PCDHGA2: variants seen among roughly 807,000 people sequenced by gnomAD.
PCDHGA2 encodes protocadherin gamma subfamily A, 2.
A neutral mutation model predicts 59.2 loss-of-function variants in PCDHGA2; 40 were observed. The ratio of observed to expected loss-of-function variants is 0.68; its 90% CI spans 0.52 to 0.88. The LOEUF is 0.88. Ranked by LOEUF, PCDHGA2 falls within the 40% of genes least tolerant of loss-of-function variation. The probability of loss-of-function intolerance (pLI) is 0.00; values close to 1 mark genes in which losing one functional copy is unlikely to be tolerated. For missense variants in PCDHGA2, 1,226 were observed against 1,204.0 expected (o/e 1.02, Z -0.27); for synonymous variants, 560 against 526.0 (o/e 1.06, Z -0.89).
Position 141,477,197 on chromosome 5 carries a change from G to C in PCDHGA2, c.2425-17610G>C, listed in dbSNP as rs781504885. 6.2e-7 allele frequency: 1 copy of C among 1,614,210 alleles called. No homozygotes were observed. Among genetic ancestry groups the C allele is most frequent in the South Asian group, 1.1e-5 (1 of 91,082 alleles). On this transcript the variant is annotated intron_variant, in intron 1 of 3. Transcript: ENST00000394576. The surrounding 1 kb of genome is among the most constrained non-coding windows in gnomAD (Gnocchi z 4.9). ...CACAGTCACCTCCGTGTACAGCCCA[G>C]TACCCGAGGATGCCCCTCTGGGGAC...
At chr5:141,409,133 G>A in intron 1 of PCDHGA2, 1 of 1,614,002 alleles carries the variant, frequency 6.2e-7, no homozygotes, top group Non-Finnish European at 8.5e-7. Flanking sequence ...TGATTTTGAA[G>A]ATGTAGAAAG....
intron 1 of PCDHGA2, chr5:141,389,801 C>T: frequency 6.2e-7 from 1 of 1,613,766 alleles, no homozygotes; most frequent in South Asian, 1.1e-5. Context: ...TCCGCCAGCG[C>T]CTTCTGGTCG....
intron 1 of PCDHGA2, chr5:141,375,068 G>A: frequency 6.2e-7 from 1 of 1,614,016 alleles, no homozygotes; most frequent in Non-Finnish European, 8.5e-7. Flanking sequence ...AGGTCTTCGA[G>A]ACAGAGCGAA....
chr5:141,448,335 A>T (rs567377336), intron 1 of PCDHGA2, among the ~76,000 whole-genome samples: 1 of 152,108 alleles, frequency 6.6e-6, no homozygotes, highest in Non-Finnish European at 1.5e-5. Flanking sequence ...CTTTATAGCC[A>T]TGTACCTCAA....
rs754169973 is a variant in PCDHGA2 at position 141,340,209 on chromosome 5, A to T, written c.1238A>T (p.Glu413Val). Residue 413 changes from glutamate (E) to valine (V), a missense_variant, in exon 1 of 4, where the codon GAA becomes GTA. Glu to Val is a moderately radical substitution (Grantham distance 121). Coordinates refer to ENST00000394576, the MANE Select transcript of PCDHGA2 (RefSeq NM_018915.4). ...RLVTTRALDR[E>V]QFSFYNITLT... ...GTTACAACCAGAGCCCTTGACAGGG[A>T]ACAGTTTTCCTTTTACAACATCACT... 3.7e-6 allele frequency: 6 copies of T among 1,614,036 alleles called. No individual in the cohort carries two copies. In the East Asian group the frequency reaches 1.3e-4, roughly 36 times the overall value.
chr5:141,347,137 C>CTTTCTTTCTTTCTTTCTTTCTTTCTT (rs1554073405), intron 1 of PCDHGA2, among the ~76,000 whole-genome samples: 3 of 113,834 alleles, frequency 2.6e-5, no homozygotes, highest in African/African-American at 7.7e-5. Context: ...CTCTGTTTCT[C>CTTTCTTTCTTTCTTTCTTTCTTTCTT]TCTTTCTTTC....
intron 1 of PCDHGA2, chr5:141,360,071 C>G (rs1437890695): frequency 6.8e-7 from 1 of 1,472,642 alleles, no homozygotes; most frequent in Non-Finnish European, 9.0e-7. Context: ...TGACCTTAGC[C>G]CGGATTCTGC....
At chr5:141,356,635 C>T in intron 1 of PCDHGA2, 2 of 1,614,140 alleles carry the variant, frequency 1.2e-6, no homozygotes, top group Middle Eastern at 1.6e-4. Flanking sequence ...TGCTCAAGAC[C>T]CTGACAGTGG....
At chr5:141,436,042 T>A (rs1246680632) in intron 1 of PCDHGA2, among the ~76,000 whole-genome samples, 4 of 152,182 alleles carry the variant, frequency 2.6e-5, no homozygotes, top group Non-Finnish European at 5.9e-5. Context: ...TGTATTTACA[T>A]TAGTTTTCAA....
chr5:141,399,436 C>T (rs550386808), intron 1 of PCDHGA2: 12 of 1,613,996 alleles, frequency 7.4e-6, no homozygotes, highest in Admixed American at 3.3e-5. Context: ...CGTCATCCTA[C>T]ATATCAGAGA....
intron 1 of PCDHGA2, among the ~76,000 whole-genome samples, chr5:141,472,119 A>C (rs1015212535): frequency 6.6e-6 from 1 of 152,240 alleles, no homozygotes; most frequent in African/African-American, 2.4e-5. Context: ...AAAGAAAATA[A>C]AAGAGAAGTT....
intron 1 of PCDHGA2, chr5:141,398,713 C>G (rs772426523): frequency 6.2e-7 from 1 of 1,613,828 alleles, no homozygotes; most frequent in Non-Finnish European, 8.5e-7. Context: ...GGAACTGGCA[C>G]TGGAGAAAAC....
chr5:141,453,540 A>G (rs890130466), intron 1 of PCDHGA2, among the ~76,000 whole-genome samples: 2 of 152,058 alleles, frequency 1.3e-5, no homozygotes, highest in Non-Finnish European at 2.9e-5. Context: ...CCTCATTCAC[A>G]CCACACTCTG....
chr5:141,344,770 A>C (rs1199721120), intron 1 of PCDHGA2: 1 of 1,613,984 alleles, frequency 6.2e-7, no homozygotes, highest in Non-Finnish European at 8.5e-7. Context: ...ACTCAGCCTG[A>C]GTACCGTGTG....
At chr5:141,395,346 T>C in intron 1 of PCDHGA2, 1 of 1,396,344 alleles carries the variant, frequency 7.2e-7, no homozygotes. Context: ...TTAAGGTGTA[T>C]CACAGAGTTT....
intron 1 of PCDHGA2, among the ~76,000 whole-genome samples, chr5:141,435,592 C>T (rs573084790): frequency 1.3e-5 from 2 of 152,060 alleles, no homozygotes; most frequent in African/African-American, 2.4e-5. Flanking sequence ...GCAGTAATAT[C>T]GCCTGCTTTT....
At chr5:141,361,597 TCCTA>T in intron 1 of PCDHGA2, 1 of 1,614,048 alleles carries the variant, frequency 6.2e-7, no homozygotes, top group Non-Finnish European at 8.5e-7. Flanking sequence ...TGGCCAAGTT[TCCTA>T]CTCCATCGTA....
chr5:141,421,498 A>T (rs1303740754), intron 1 of PCDHGA2: 2 of 1,613,952 alleles, frequency 1.2e-6, no homozygotes, highest in African/African-American at 1.3e-5. Context: ...GGCAGGCAGG[A>T]TAGACCGGGA....
chr5:141,379,354 C>T (rs995158490), intron 1 of PCDHGA2: 2 of 152,104 alleles, frequency 1.3e-5, no homozygotes, highest in African/African-American at 2.4e-5. Flanking sequence ...TTTCTTGTAT[C>T]TTTGTGATAT....
Sources: gnomAD v4.1 joint callset for allele counts (sites outside exome capture counted in the v4.1 genomes callset) on GRCh38, gnomAD v4.1.1 for gene constraint, Gnocchi (gnomAD v3.1) non-coding constraint, MANE v1.5 for transcripts, NCBI Gene and HGNC (gene_info 2026-07-23, HGNC 2026-07-21) for gene names.